Variants in CSMD3 observed in about 807,000 individuals in gnomAD.
CSMD3 encodes CUB and Sushi multiple domains 3, also known as CUB and sushi domain-containing protein 3.
Under a neutral mutation model 435.2 loss-of-function variants are expected in CSMD3, and 177 were observed. The ratio of observed to expected loss-of-function variants is 0.41; its 90% CI spans 0.36 to 0.46. The LOEUF (loss-of-function observed/expected upper bound fraction) is 0.46. Among genes scored for constraint, CSMD3 ranks in the 20% least tolerant of loss-of-function variants. The pLI is 0.34. For synonymous variants in CSMD3, 1,656 were observed against 1,520.5 expected (o/e 1.09, Z -2.07); for missense variants, 4,265 against 4,504.6 (o/e 0.95, Z 1.52).
rs1366139114 is a variant in CSMD3, at chr8:112,337,760, T to C, written c.6653-29A>G. On this transcript the variant is annotated intron_variant, in intron 42 of 70. Transcript: ENST00000297405. ...GAAAGAGGAAAAAGAAAGACATTTT[T>C]TCTTTCCAAATTTCAGAGGCCACAG... The C allele has an allele frequency of 3.2e-6, 5 of 1,585,154 alleles. No homozygotes were observed. The Admixed American group carries it at 5.2e-5, about 16-fold the overall frequency.
At chr8:112,304,247 T>C (rs1252891014) in intron 52 of CSMD3, among the ~76,000 whole-genome samples, 1 of 152,104 alleles carries the variant, frequency 6.6e-6, no homozygotes, top group East Asian at 1.9e-4. Context: ...GAATTTGGAA[T>C]CAGAGAGAAT....
At chr8:113,217,364 AATAG>A (rs2092917219) in intron 3 of CSMD3, among the ~76,000 whole-genome samples, 1 of 151,642 alleles carries the variant, frequency 6.6e-6, no homozygotes, top group African/African-American at 2.4e-5. Flanking sequence ...GATCAGACAA[AATAG>A]GATTCAACAG....
At chr8:113,103,633 G>A (rs933035802) in intron 4 of CSMD3, among the ~76,000 whole-genome samples, 1 of 151,928 alleles carries the variant, frequency 6.6e-6, no homozygotes, top group South Asian at 2.1e-4. Flanking sequence ...TAAAAACTAT[G>A]GCTGTTAAAA....
chr8:112,240,478 G>C (rs1814012873), intron 66 of CSMD3, among the ~76,000 whole-genome samples: 1 of 151,972 alleles, frequency 6.6e-6, no homozygotes, highest in Non-Finnish European at 1.5e-5. Flanking sequence ...GACAAGTGTT[G>C]AATGTATCAG....
intron 31 of CSMD3, among the ~76,000 whole-genome samples, chr8:112,488,156 C>G (rs73700938): frequency 0.017 from 2,635 of 152,234 alleles, 77 homozygotes; most frequent in African/African-American, 0.06. Context: ...CAGTGTCCAA[C>G]TTAAGCTCTT....
At chr8:112,622,761 C>G (rs535032895) in intron 22 of CSMD3, among the ~76,000 whole-genome samples, 1 of 152,210 alleles carries the variant, frequency 6.6e-6, no homozygotes, top group East Asian at 1.9e-4. Context: ...CATTTGTATA[C>G]TGGAGATGAT....
intron 19 of CSMD3, among the ~76,000 whole-genome samples, chr8:112,649,809 CA>C (rs1366093307): frequency 6.6e-6 from 1 of 152,160 alleles, no homozygotes; most frequent in Non-Finnish European, 1.5e-5. Context: ...AGGCAGGAAA[CA>C]AATGCTGCAT....
At chr8:112,986,686 T>C (rs1248570459) in intron 6 of CSMD3, among the ~76,000 whole-genome samples, 2 of 152,126 alleles carry the variant, frequency 1.3e-5, no homozygotes, top group Non-Finnish European at 2.9e-5. Context: ...GTCAGCTTTC[T>C]GAATAATGAT....
chr8:113,020,317 T>G (rs538581840), intron 5 of CSMD3, among the ~76,000 whole-genome samples: 1 of 152,258 alleles, frequency 6.6e-6, no homozygotes, highest in Admixed American at 6.5e-5. Context: ...GAATACCATT[T>G]ATAATATACT....
intron 38 of CSMD3, among the ~76,000 whole-genome samples, chr8:112,352,972 TTTC>T (rs1297914646): frequency 6.6e-6 from 1 of 152,196 alleles, no homozygotes; most frequent in Non-Finnish European, 1.5e-5. Flanking sequence ...TGCTTAACTC[TTTC>T]TTCTTTTATT....
chr8:113,209,640 G>T (rs186639692), intron 3 of CSMD3, among the ~76,000 whole-genome samples: 2 of 152,070 alleles, frequency 1.3e-5, no homozygotes, highest in African/African-American at 2.4e-5. Flanking sequence ...AACGAAATAC[G>T]TGAGATTTCC....
At chr8:112,707,431 G>A (rs2076521460) in intron 13 of CSMD3, among the ~76,000 whole-genome samples, 1 of 149,656 alleles carries the variant, frequency 6.7e-6, no homozygotes, top group Non-Finnish European at 1.5e-5. Context: ...CCATTATTGA[G>A]ACTGCATCTG....
intron 5 of CSMD3, among the ~76,000 whole-genome samples, chr8:113,088,737 C>T (rs1260997119): frequency 6.8e-6 from 1 of 146,946 alleles, no homozygotes; most frequent in African/African-American, 2.5e-5. Context: ...GGAGGGATAG[C>T]ATTAGGAGAT....
chr8:113,098,508 A>G, intron 5 of CSMD3: 2 of 477,348 alleles, frequency 4.2e-6, no homozygotes, highest in East Asian at 3.9e-5. Flanking sequence ...TGGCATGCTA[A>G]AAAACACAAC....
chr8:112,657,114 G>A (rs1308289748), intron 17 of CSMD3, among the ~76,000 whole-genome samples: 1 of 144,462 alleles, frequency 6.9e-6, no homozygotes, highest in Non-Finnish European at 1.5e-5. Context: ...CCAGGCTAGA[G>A]TGCAGTGGTG....
intron 1 of CSMD3, among the ~76,000 whole-genome samples, chr8:113,427,434 G>A (rs530817533): frequency 1.3e-5 from 2 of 150,424 alleles, no homozygotes; most frequent in Non-Finnish European, 3.0e-5. Flanking sequence ...TTTGGGGTAG[G>A]CACAGTGGTC....
At chr8:112,348,526 A>G (rs1459112559) in intron 40 of CSMD3, among the ~76,000 whole-genome samples, 6 of 152,148 alleles carry the variant, frequency 3.9e-5, no homozygotes, top group African/African-American at 1.4e-4. Context: ...ATCACTGCCA[A>G]TATTTTAATA....
intron 1 of CSMD3, among the ~76,000 whole-genome samples, chr8:113,326,927 AG>A (rs202152133): frequency 0.013 from 1,922 of 152,296 alleles, 17 homozygotes; most frequent in Non-Finnish European, 0.021. Context: ...CATTAACGGT[AG>A]AAATACAAAT....
intron 59 of CSMD3, among the ~76,000 whole-genome samples, chr8:112,278,659 T>A (rs1425852972): frequency 2.0e-5 from 3 of 152,206 alleles, no homozygotes; most frequent in African/African-American, 7.2e-5. Flanking sequence ...AATGCTTGCC[T>A]ATCTGACAAG....
Sources: gnomAD v4.1 joint callset for allele counts (sites outside exome capture counted in the v4.1 genomes callset) on GRCh38, gnomAD v4.1.1 for gene constraint, MANE v1.5 for transcripts, NCBI Gene and HGNC (gene_info 2026-07-23, HGNC 2026-07-21) for gene names.